XKR9: variants seen among roughly 807,000 people sequenced by gnomAD.
The protein encoded by XKR9 is XK related 9.
A neutral mutation model predicts 32.0 loss-of-function variants in XKR9; 32 were observed. The ratio of observed to expected loss-of-function variants is 1.00; its 90% CI spans 0.76 to 1.34. The LOEUF (loss-of-function observed/expected upper bound fraction) is 1.34, where lower values mean the gene tolerates loss of function less well. XKR9 is among the 40% of genes most tolerant of loss of function. The probability of loss-of-function intolerance (pLI) is 0.00; values close to 1 mark genes in which losing one functional copy is unlikely to be tolerated. For missense variants in XKR9, 546 were observed against 429.7 expected (o/e 1.27, Z -2.39); for synonymous variants, 168 against 143.4 (o/e 1.17, Z -1.22).
chr8:70,805,492 G>C, the XKR9 span, among the ~76,000 whole-genome samples: 18 of 152,314 alleles, frequency 1.2e-4, no homozygotes, highest in African/African-American at 4.1e-4. Flanking sequence ...ACTCACAACT[G>C]CCTAACACGC....
At chr8:71,034,349 G>A in the XKR9 span, among the ~76,000 whole-genome samples, 9 of 152,130 alleles carry the variant, frequency 5.9e-5, no homozygotes, top group African/African-American at 2.2e-4. Context: ...AGAAAGACAT[G>A]TTTGCTTCCC....
At chr8:70,890,446 G>T in the XKR9 span, among the ~76,000 whole-genome samples, 1 of 151,916 alleles carries the variant, frequency 6.6e-6, no homozygotes, top group Non-Finnish European at 1.5e-5. Flanking sequence ...CTGTGGGTTT[G>T]TTATATATAG....
At chr8:70,776,749 T>A (rs13254801) in intron 2 of XKR9, among the ~76,000 whole-genome samples, 60,808 of 151,162 alleles carry the variant, frequency 0.4, 13,773 homozygotes, top group Non-Finnish European at 0.52. Context: ...CTCAGCATAA[T>A]TGTCACCTCG....
chr8:70,798,907 T>G, the XKR9 span, among the ~76,000 whole-genome samples: 12 of 152,326 alleles, frequency 7.9e-5, no homozygotes, highest in Admixed American at 7.8e-4. Context: ...CACTGGTCTA[T>G]GTGTCTGTTT....
chr8:70,980,067 C>G, the XKR9 span, among the ~76,000 whole-genome samples: 1 of 152,236 alleles, frequency 6.6e-6, no homozygotes, highest in Admixed American at 6.5e-5. Flanking sequence ...CCCACTGAGC[C>G]AATCGTGGGA....
the XKR9 span, among the ~76,000 whole-genome samples, chr8:71,028,765 A>G: frequency 2.0e-5 from 3 of 152,194 alleles, no homozygotes; most frequent in Admixed American, 6.5e-5. Flanking sequence ...AATAATATTA[A>G]TAAAAAATAA....
chr8:70,674,241 G>A (rs1818814395), intron 1 of XKR9, among the ~76,000 whole-genome samples: 1 of 152,160 alleles, frequency 6.6e-6, no homozygotes, highest in Non-Finnish European at 1.5e-5. Flanking sequence ...AAGGAGAAAG[G>A]GGAGAAACAT....
chr8:70,946,444 G>A, the XKR9 span, among the ~76,000 whole-genome samples: 3 of 151,920 alleles, frequency 2.0e-5, no homozygotes, highest in Admixed American at 6.6e-5. Context: ...AACAGTGATT[G>A]AGAACTTATC....
chr8:70,870,981 G>T, the XKR9 span, among the ~76,000 whole-genome samples: 1 of 152,184 alleles, frequency 6.6e-6, no homozygotes, highest in African/African-American at 2.4e-5. Flanking sequence ...TCAACCACAA[G>T]TGGGGACTAT....
the XKR9 span, among the ~76,000 whole-genome samples, chr8:71,021,465 T>A: frequency 1.3e-5 from 2 of 151,894 alleles, no homozygotes; most frequent in Admixed American, 6.6e-5. Flanking sequence ...TTTTCCCATT[T>A]TGTAGGTTGT....
At chr8:70,864,703 T>A in the XKR9 span, among the ~76,000 whole-genome samples, 1 of 152,138 alleles carries the variant, frequency 6.6e-6, no homozygotes, top group African/African-American at 2.4e-5. Context: ...CTAACAAAAG[T>A]GAAGCATATC....
the XKR9 span, among the ~76,000 whole-genome samples, chr8:70,944,814 C>T: frequency 6.6e-6 from 1 of 152,202 alleles, no homozygotes; most frequent in East Asian, 1.9e-4. Flanking sequence ...CTCTGGCATA[C>T]AAGCATATAC....
chr8:70,921,828 T>G, the XKR9 span, among the ~76,000 whole-genome samples: 28 of 152,318 alleles, frequency 1.8e-4, no homozygotes, highest in Admixed American at 4.6e-4. Context: ...AATCCCCAAA[T>G]TTTGTTTTCT....
chr8:70,715,490 A>G (rs1806058179), intron 4 of XKR9, among the ~76,000 whole-genome samples: 2 of 152,170 alleles, frequency 1.3e-5, no homozygotes, highest in Admixed American at 6.5e-5. Flanking sequence ...TCACTATCGT[A>G]TTGATATATT....
the XKR9 span, among the ~76,000 whole-genome samples, chr8:70,797,505 T>C: frequency 3.3e-5 from 5 of 152,146 alleles, no homozygotes; most frequent in Admixed American, 6.5e-5. Flanking sequence ...CAAAGCTACA[T>C]ATATAATCTT....
the XKR9 span, among the ~76,000 whole-genome samples, chr8:71,034,751 A>G: frequency 6.6e-6 from 1 of 151,994 alleles, no homozygotes; most frequent in Admixed American, 6.6e-5. Context: ...GCGGTCCCGG[A>G]CGTCATGGAA....
the XKR9 span, among the ~76,000 whole-genome samples, chr8:71,020,817 T>C: frequency 6.6e-6 from 1 of 152,220 alleles, no homozygotes; most frequent in Admixed American, 6.5e-5. Context: ...TGTTGTTAAC[T>C]ATTATCACCC....
chr8:70,783,551 G>GT (rs929927063), intron 2 of XKR9, among the ~76,000 whole-genome samples: 15 of 151,928 alleles, frequency 9.9e-5, no homozygotes, highest in African/African-American at 2.9e-4. Flanking sequence ...TGAGTTTTTT[G>GT]TTTTTTTGCT....
At chr8:71,030,254 T>G in the XKR9 span, among the ~76,000 whole-genome samples, 1 of 152,190 alleles carries the variant, frequency 6.6e-6, no homozygotes, top group African/African-American at 2.4e-5. Flanking sequence ...GAGAATCTTA[T>G]TATTACTGTA....
Sources: gnomAD v4.1 joint callset for allele counts (sites outside exome capture counted in the v4.1 genomes callset) on GRCh38, gnomAD v4.1.1 for gene constraint, MANE v1.5 for transcripts, NCBI Gene and HGNC (gene_info 2026-07-23, HGNC 2026-07-21) for gene names.